UBE2E2: variants seen among roughly 807,000 people sequenced by gnomAD.
The protein encoded by UBE2E2 is ubiquitin-conjugating enzyme E2 E2.
UBE2E2 carries 6 observed loss-of-function variants against 24.7 expected under a neutral mutation model. That is an observed-to-expected ratio of 0.24 (90% confidence interval 0.13 to 0.48). UBE2E2 has a LOEUF of 0.48. Among genes scored for constraint, UBE2E2 ranks in the 20% least tolerant of loss-of-function variants. The probability of loss-of-function intolerance (pLI) is 0.99; values close to 1 mark genes in which losing one functional copy is unlikely to be tolerated. For synonymous variants in UBE2E2, 104 were observed against 83.6 expected, an observed-to-expected ratio of 1.24 and a Z score of -1.33; for missense variants, 169 against 245.0, an observed-to-expected ratio of 0.69 and a Z score of 2.07.
chr3:23,537,513 T>C (rs183489824), intron 5 of UBE2E2, among the ~76,000 whole-genome samples: 1 of 152,272 alleles, frequency 6.6e-6, no homozygotes, highest in East Asian at 1.9e-4. Context: ...AAGCTGAGGG[T>C]GAGCACAGCT....
At chr3:23,502,095 A>G (rs555920085) in intron 4 of UBE2E2, among the ~76,000 whole-genome samples, 2 of 152,334 alleles carry the variant, frequency 1.3e-5, no homozygotes, top group East Asian at 3.9e-4. Context: ...GCTATTAAGT[A>G]AAACAAATAC....
At chr3:23,455,750 T>G (rs1698663941) in intron 3 of UBE2E2, among the ~76,000 whole-genome samples, 1 of 152,130 alleles carries the variant, frequency 6.6e-6, no homozygotes, top group Non-Finnish European at 1.5e-5. Flanking sequence ...TCTGAGCCTT[T>G]AGGGAGTCAT....
At chr3:23,588,978 A>G (rs1696695075) in intron 5 of UBE2E2, among the ~76,000 whole-genome samples, 1 of 152,130 alleles carries the variant, frequency 6.6e-6, no homozygotes, top group Non-Finnish European at 1.5e-5. Context: ...GCGTCTCCTC[A>G]GATAAGGTAA....
At chr3:23,577,680 CT>C (rs777870889) in intron 5 of UBE2E2, among the ~76,000 whole-genome samples, 42 of 152,140 alleles carry the variant, frequency 2.8e-4, no homozygotes, top group Admixed American at 1.2e-3. Flanking sequence ...ATGAAGGTGG[CT>C]ACATTAAACA....
chr3:23,586,130 A>C (rs993677379), intron 5 of UBE2E2, among the ~76,000 whole-genome samples: 2 of 152,200 alleles, frequency 1.3e-5, no homozygotes, highest in African/African-American at 4.8e-5. Flanking sequence ...CATATGAAAA[A>C]GTAGTTTGTA....
intron 4 of UBE2E2, among the ~76,000 whole-genome samples, chr3:23,501,922 G>A (rs77002355): frequency 6.6e-6 from 1 of 151,614 alleles, no homozygotes; most frequent in Admixed American, 6.6e-5. Context: ...AAAAAAAAAA[G>A]CAAACTTTGG....
At chr3:23,441,538 CAAA>C (rs147766521) in intron 3 of UBE2E2, among the ~76,000 whole-genome samples, 3 of 95,782 alleles carry the variant, frequency 3.1e-5, no homozygotes, top group Non-Finnish European at 4.2e-5. Flanking sequence ...GACTCCGTCT[CAAA>C]AAAAAAAAAA....
intron 3 of UBE2E2, among the ~76,000 whole-genome samples, chr3:23,272,030 A>C (rs1346138096): frequency 6.6e-6 from 1 of 152,176 alleles, no homozygotes; most frequent in African/African-American, 2.4e-5. Flanking sequence ...CGGCGCCTGC[A>C]CTTCTCAGCC....
chr3:23,274,544 T>C (rs1038610609), intron 3 of UBE2E2, among the ~76,000 whole-genome samples: 1 of 151,872 alleles, frequency 6.6e-6, no homozygotes, highest in Non-Finnish European at 1.5e-5. Flanking sequence ...GTATTTTTTA[T>C]AGAGATGGAG....
intron 3 of UBE2E2, among the ~76,000 whole-genome samples, chr3:23,334,761 C>A (rs1034041730): frequency 6.6e-6 from 1 of 152,140 alleles, no homozygotes; most frequent in Non-Finnish European, 1.5e-5. Context: ...GGCAGACCTT[C>A]TAATGTATTT....
intron 3 of UBE2E2, among the ~76,000 whole-genome samples, chr3:23,382,424 C>T (rs536567311): frequency 2.6e-5 from 4 of 152,078 alleles, no homozygotes; most frequent in African/African-American, 9.6e-5. Flanking sequence ...TCGGGTAATC[C>T]GCCCACCTCA....
intron 5 of UBE2E2, among the ~76,000 whole-genome samples, chr3:23,548,615 C>T (rs1164443249): frequency 6.6e-6 from 1 of 152,132 alleles, no homozygotes; most frequent in Non-Finnish European, 1.5e-5. Flanking sequence ...TAGCTGGTCT[C>T]TTCTCTCTGC....
intron 3 of UBE2E2, among the ~76,000 whole-genome samples, chr3:23,412,722 G>C (rs987583214): frequency 6.6e-6 from 1 of 152,040 alleles, no homozygotes; most frequent in Non-Finnish European, 1.5e-5. Context: ...TTAGTGCAGT[G>C]GTTCTCAAGG....
chr3:23,394,707 G>A (rs1004889122), intron 3 of UBE2E2, among the ~76,000 whole-genome samples: 1 of 152,166 alleles, frequency 6.6e-6, no homozygotes, highest in Non-Finnish European at 1.5e-5. Context: ...TCTGGAGCCA[G>A]AGGTTAAAAA....
intron 3 of UBE2E2, 28 bp downstream of exon 3, chr3:23,217,340 T>C (rs1202397408): frequency 6.2e-7 from 1 of 1,605,046 alleles, no homozygotes; most frequent in Non-Finnish European, 8.5e-7. Context: ...TTTATTTACT[T>C]GTATCTTTTG....
chr3:23,314,341 G>A (rs1399469656), intron 3 of UBE2E2, among the ~76,000 whole-genome samples: 1 of 152,010 alleles, frequency 6.6e-6, no homozygotes, highest in African/African-American at 2.4e-5. Context: ...TGTTGTCCAG[G>A]CTGGTCTCAT....
intron 3 of UBE2E2, among the ~76,000 whole-genome samples, chr3:23,409,729 C>T (rs74714370): frequency 0.029 from 4,381 of 152,204 alleles, 110 homozygotes; most frequent in East Asian, 0.13. Flanking sequence ...AGTCTGAAAT[C>T]AAGGTATCAA....
intron 3 of UBE2E2, among the ~76,000 whole-genome samples, chr3:23,435,475 G>A (rs964729757): frequency 2.0e-4 from 31 of 152,316 alleles, no homozygotes; most frequent in African/African-American, 7.5e-4. Flanking sequence ...CTGCCATAGG[G>A]TTATGAGGAT....
chr3:23,264,668 T>C (rs1455108211), intron 3 of UBE2E2, among the ~76,000 whole-genome samples: 1 of 152,172 alleles, frequency 6.6e-6, no homozygotes, highest in Admixed American at 6.5e-5. Flanking sequence ...ATACATAAAA[T>C]CCAGATAACT....
Sources: allele counts gnomAD v4.1 joint callset (sites outside exome capture counted in the v4.1 genomes callset), GRCh38; gene constraint gnomAD v4.1.1; transcripts MANE v1.5; gene names NCBI Gene and HGNC (gene_info 2026-07-23, HGNC 2026-07-21).